CLYBL: variants seen among roughly 807,000 people sequenced by gnomAD.
CLYBL encodes the protein citramalyl-CoA lyase, mitochondrial.
CLYBL carries 31 observed loss-of-function variants against 38.9 expected under a neutral mutation model. The observed-to-expected ratio is 0.80, with a 90% confidence interval of 0.60 to 1.08. The LOEUF is 1.08. CLYBL is among the 50% of genes least tolerant of loss of function. The pLI is 0.00. For missense variants in CLYBL, 434 were observed against 411.6 expected, an observed-to-expected ratio of 1.05 and a Z score of -0.47; for synonymous variants, 171 against 158.6, an observed-to-expected ratio of 1.08 and a Z score of -0.59.
chr13:99,704,233 A>G (rs115065486), intron 1 of CLYBL, among the ~76,000 whole-genome samples: 2,510 of 152,272 alleles, frequency 0.016, 75 homozygotes, highest in African/African-American at 0.057. Flanking sequence ...ACATTTCAGG[A>G]AAGAGTAAGG....
intron 1 of CLYBL, among the ~76,000 whole-genome samples, chr13:99,611,507 T>A (rs1323198823): frequency 6.6e-6 from 1 of 152,200 alleles, no homozygotes; most frequent in Admixed American, 6.5e-5. Flanking sequence ...CCCCACTGAT[T>A]GTGATGTATT....
chr13:99,642,901 G>A (rs2047117783), intron 1 of CLYBL, among the ~76,000 whole-genome samples: 1 of 152,132 alleles, frequency 6.6e-6, no homozygotes, highest in Admixed American at 6.6e-5. Context: ...TACAGCTACA[G>A]GCATACACCA....
chr13:99,866,574 A>C (rs768369740), intron 6 of CLYBL, among the ~76,000 whole-genome samples, 167 bp downstream of exon 6: 1 of 151,946 alleles, frequency 6.6e-6, no homozygotes, highest in Non-Finnish European at 1.5e-5. Flanking sequence ...ACACATTGTC[A>C]TGGTTTTCCT....
chr13:99,811,199 T>C (rs996167523), intron 2 of CLYBL, among the ~76,000 whole-genome samples: 9 of 152,096 alleles, frequency 5.9e-5, no homozygotes, highest in Admixed American at 5.9e-4. Flanking sequence ...TAAAAACAGA[T>C]GCAAGTCCCA....
intron 7 of CLYBL, among the ~76,000 whole-genome samples, chr13:99,871,302 T>C (rs1686602351): frequency 6.6e-6 from 1 of 152,208 alleles, no homozygotes; most frequent in African/African-American, 2.4e-5. Flanking sequence ...TCATAAAATA[T>C]ATTGGCAGCC....
At chr13:99,862,765 G>T (rs766391332) in intron 3 of CLYBL, among the ~76,000 whole-genome samples, 8 of 152,076 alleles carry the variant, frequency 5.3e-5, no homozygotes, top group African/African-American at 9.7e-5. Context: ...TCCTTTGGGA[G>T]AAAAAAATTG....
Position 99,711,037 on chromosome 13 carries a change from G to A in CLYBL, c.63-61787G>A, listed in dbSNP as rs112018694. Among the ~76,000 whole-genome samples, 520 of 151,374 alleles carry A rather than the reference G, an allele frequency of 3.4e-3. 3 individuals are homozygous for A. Among genetic ancestry groups the A allele is most frequent in the African/African-American group, 0.012 (497 of 41,194 alleles). Reference sequence around the variant, plus strand: ...TGAGTAGCTGGGATTACAGGCGTCTGCCACCACACCCAGCTGATTTTTGTA... The same window carrying A: ...TGAGTAGCTGGGATTACAGGCGTCTACCACCACACCCAGCTGATTTTTGTA... On this transcript the variant is annotated intron_variant, in intron 1 of 8. Transcript: ENST00000339105.
At chr13:99,866,098 T>C in intron 5 of CLYBL, 142 bp from the exon 6 acceptor site, 2 of 812,020 alleles carry the variant, frequency 2.5e-6, no homozygotes, top group Non-Finnish European at 3.9e-6. Context: ...CTGTCTTCAT[T>C]TGTATTTCAA....
intron 2 of CLYBL, among the ~76,000 whole-genome samples, chr13:99,839,275 C>G (rs2051011001): frequency 6.6e-6 from 1 of 152,154 alleles, no homozygotes; most frequent in African/African-American, 2.4e-5. Flanking sequence ...CAGAGGGTTT[C>G]AGAGAGACAA....
At chr13:99,889,827 CCT>C (rs1176874140) in intron 7 of CLYBL, among the ~76,000 whole-genome samples, 3 of 152,142 alleles carry the variant, frequency 2.0e-5, no homozygotes, top group Non-Finnish European at 4.4e-5. Context: ...TCCCGGCAGC[CCT>C]GAGTGACATC....
chr13:99,712,478 G>A (rs892233119), intron 1 of CLYBL, among the ~76,000 whole-genome samples: 4 of 151,544 alleles, frequency 2.6e-5, no homozygotes, highest in African/African-American at 7.3e-5. Flanking sequence ...GGGAATACAG[G>A]TGCGTGCCAC....
intron 1 of CLYBL, among the ~76,000 whole-genome samples, chr13:99,709,539 A>G (rs1418258244): frequency 6.6e-6 from 1 of 152,204 alleles, no homozygotes; most frequent in Non-Finnish European, 1.5e-5. Flanking sequence ...ATAGCATACA[A>G]AAAAGTTCCT....
At chr13:99,606,961 C>G (rs529977581) in intron 1 of CLYBL, among the ~76,000 whole-genome samples, 12 of 152,300 alleles carry the variant, frequency 7.9e-5, no homozygotes, top group African/African-American at 2.9e-4. Context: ...GCCCTCGTTG[C>G]ACCCGGAAAA....
chr13:99,635,722 A>G (rs1341362746), intron 1 of CLYBL, among the ~76,000 whole-genome samples: 1 of 152,184 alleles, frequency 6.6e-6, no homozygotes, highest in Non-Finnish European at 1.5e-5. Context: ...GGAAGAGGAC[A>G]GGGTTTGGAG....
chr13:99,846,819 T>C (rs959736043), intron 2 of CLYBL, among the ~76,000 whole-genome samples: 3 of 152,188 alleles, frequency 2.0e-5, no homozygotes, highest in Non-Finnish European at 2.9e-5. Context: ...GTAGAAGCAG[T>C]TGGCATGCAG....
At chr13:99,662,937 C>G (rs2047430503) in intron 1 of CLYBL, among the ~76,000 whole-genome samples, 1 of 152,200 alleles carries the variant, frequency 6.6e-6, no homozygotes, top group South Asian at 2.1e-4. Flanking sequence ...CCGAGATGGT[C>G]ACTGCTGGTC....
chr13:99,667,685 T>C lies in CLYBL; in HGVS notation c.62+60928T>C, dbSNP rs188556186. Among the ~76,000 whole-genome samples, 352 of 152,268 alleles carry C rather than the reference T, an allele frequency of 2.3e-3. 2 individuals are homozygous for C. Among genetic ancestry groups the C allele is most frequent in the South Asian group, 0.019 (93 of 4,820 alleles). ...AAGTTATGGAATACATTTGATATTA[T>C]CTAAAAAACAAATCTCCTACTTTTT... On this transcript the variant is annotated intron_variant, in intron 1 of 8. Coordinates refer to ENST00000339105, the MANE Select transcript of CLYBL (RefSeq NM_206808.5).
intron 1 of CLYBL, among the ~76,000 whole-genome samples, chr13:99,700,717 C>G (rs1384022922): frequency 6.6e-6 from 1 of 152,080 alleles, no homozygotes; most frequent in African/African-American, 2.4e-5. Flanking sequence ...ATGGAGTGGG[C>G]CAGTCTTCAG....
At chr13:99,638,999 G>A (rs1056664911) in intron 1 of CLYBL, among the ~76,000 whole-genome samples, 21 of 152,124 alleles carry the variant, frequency 1.4e-4, no homozygotes, top group African/African-American at 4.6e-4. Flanking sequence ...GGCCATGCCC[G>A]CCTTGTCTCT....
Sources: gnomAD v4.1 joint callset for allele counts (sites outside exome capture counted in the v4.1 genomes callset) on GRCh38, gnomAD v4.1.1 for gene constraint, MANE v1.5 for transcripts, NCBI Gene and HGNC (gene_info 2026-07-23, HGNC 2026-07-21) for gene names.